Variants in RIPOR2 observed in about 807,000 individuals in gnomAD.
The protein encoded by RIPOR2 is RHO family interacting cell polarization regulator 2.
A neutral mutation model predicts 114.5 loss-of-function variants in RIPOR2; 39 were observed. The observed-to-expected ratio is 0.34, with a 90% CI of 0.26 to 0.44. The LOEUF (loss-of-function observed/expected upper bound fraction) is 0.44. Ranked by LOEUF, RIPOR2 falls within the 20% of genes least tolerant of loss-of-function variation. The pLI, the probability that RIPOR2 is intolerant of heterozygous loss-of-function variation, is 1.00. For missense variants in RIPOR2, 1,007 were observed against 1,255.1 expected (o/e 0.80, Z 2.99); for synonymous variants, 445 against 484.4 (o/e 0.92, Z 1.07).
chr6:24,925,810 G>T (rs998864103), intron 1 of RIPOR2, among the ~76,000 whole-genome samples: 23 of 152,062 alleles, frequency 1.5e-4, no homozygotes, highest in African/African-American at 5.6e-4. Context: ...TTTATGAGTG[G>T]CACTCAATAA....
Position 24,818,643 on chromosome 6 carries a change from AC to A in RIPOR2, c.2869-19del, listed in dbSNP as rs1759390611. On this transcript the variant is annotated intron_variant, in intron 19 of 21. Transcript: ENST00000643898. The stretch of plus-strand genomic sequence containing the variant: ...AGCAAGGCCTGAAAGAGAAGGAGGG[AC>A]CTCATGAAGGCATTTTGGTTTGTTC... The A allele has an allele frequency of 6.6e-7, 1 of 1,518,448 alleles. No homozygotes were observed. Among genetic ancestry groups the A allele is most frequent in the South Asian group, 1.2e-5 (1 of 81,138 alleles). The allele number at this position is 1,518,448 out of a possible 1,614,324, so 94.1% of individuals were successfully genotyped here. A position where few individuals can be genotyped will look rare whatever the true frequency, so the allele number is the denominator to read the frequency against.
rs543824126 is a variant in RIPOR2 at position 24,829,744 on chromosome 6, T to G, written c.2506+765A>C. Among the ~76,000 whole-genome samples, 39 of 152,314 alleles carry G rather than the reference T, an allele frequency of 2.6e-4. 2 individuals carry two copies. The South Asian group carries it at 7.9e-3, about 31-fold the overall frequency. On this transcript the variant is annotated intron_variant, in intron 17 of 21. Transcript: ENST00000643898. ...TTTTGGCTCTTGTGAGTAAAGCTGG[T>G]AGGAACCTTCATATAAATGTCCTTT...
chr6:24,900,602 A>G (rs1045343554), intron 1 of RIPOR2, among the ~76,000 whole-genome samples: 10 of 152,028 alleles, frequency 6.6e-5, no homozygotes, highest in African/African-American at 2.2e-4. Context: ...TACAAAAAAT[A>G]CAAAAATTAG....
intron 2 of RIPOR2, 81 bp from the exon 3 acceptor site, chr6:24,873,880 T>C (rs1581675098): frequency 8.1e-7 from 1 of 1,231,622 alleles, no homozygotes; most frequent in East Asian, 2.3e-5. Context: ...TATTATTTAC[T>C]TGTTTGTTTT....
At chr6:25,004,206 C>A (rs1775446416) in intron 1 of RIPOR2, among the ~76,000 whole-genome samples, 1 of 152,106 alleles carries the variant, frequency 6.6e-6, no homozygotes, top group African/African-American at 2.4e-5. Context: ...GATACCCAAA[C>A]TCAGTGAAAG....
intron 1 of RIPOR2, among the ~76,000 whole-genome samples, chr6:24,891,891 C>T: frequency 6.6e-6 from 1 of 152,080 alleles, no homozygotes; most frequent in Non-Finnish European, 1.5e-5. Flanking sequence ...CAGGGTTTTG[C>T]TTTGTTGTCC....
chr6:24,901,863 T>C (rs1321160422), intron 1 of RIPOR2, among the ~76,000 whole-genome samples: 12 of 152,150 alleles, frequency 7.9e-5, no homozygotes, highest in Admixed American at 6.5e-4. Context: ...GTTTCCTAAT[T>C]TGTGAAATTA....
intron 1 of RIPOR2, among the ~76,000 whole-genome samples, chr6:24,971,677 T>C (rs1328979230): frequency 6.6e-6 from 1 of 152,214 alleles, no homozygotes; most frequent in Non-Finnish European, 1.5e-5. Flanking sequence ...GCTATGAACA[T>C]TTAGGGCTCT....
intron 20 of RIPOR2, among the ~76,000 whole-genome samples, chr6:24,811,425 C>CG (rs1463432968): frequency 1.3e-5 from 2 of 149,632 alleles, no homozygotes; most frequent in East Asian, 4.0e-4. Context: ...TTAGTAGAGA[C>CG]GGGGTTTCAT....
intron 21 of RIPOR2, among the ~76,000 whole-genome samples, 172 bp from the exon 22 acceptor site, chr6:24,806,645 A>T (rs956988427): frequency 2.0e-5 from 3 of 152,224 alleles, no homozygotes; most frequent in South Asian, 2.1e-4. Flanking sequence ...TTTTCCAGGT[A>T]ATGCTTAGAA....
At chr6:24,905,953 T>A (rs1379795134) in intron 1 of RIPOR2, among the ~76,000 whole-genome samples, 3 of 152,190 alleles carry the variant, frequency 2.0e-5, no homozygotes, top group African/African-American at 7.2e-5. Context: ...AAGGAAGAGA[T>A]CACTTCCAGG....
intron 1 of RIPOR2, among the ~76,000 whole-genome samples, chr6:24,896,751 A>C (rs1222329535): frequency 6.6e-6 from 1 of 152,086 alleles, no homozygotes; most frequent in African/African-American, 2.4e-5. Context: ...AAAAACACAA[A>C]AATTAGCTGG....
chr6:24,963,059 C>A, intron 1 of RIPOR2, among the ~76,000 whole-genome samples: 1 of 152,088 alleles, frequency 6.6e-6, no homozygotes, highest in East Asian at 1.9e-4. Flanking sequence ...TTTTTTGAGA[C>A]AGAGTTTCGC....
chr6:25,001,760 C>T (rs1318679729), intron 1 of RIPOR2, among the ~76,000 whole-genome samples: 10 of 139,232 alleles, frequency 7.2e-5, no homozygotes, highest in East Asian at 4.4e-4. Context: ...AGTGCAGTGG[C>T]GCGATCTTGG....
At chr6:24,997,249 C>A (rs1305006535) in intron 1 of RIPOR2, among the ~76,000 whole-genome samples, 2 of 152,002 alleles carry the variant, frequency 1.3e-5, no homozygotes, top group Admixed American at 1.3e-4. Flanking sequence ...GCCTGAGAAC[C>A]ACTAGTTTGA....
intron 1 of RIPOR2, among the ~76,000 whole-genome samples, chr6:24,930,506 C>A (rs1461998617): frequency 6.6e-6 from 1 of 152,208 alleles, no homozygotes. Context: ...GCTAAGACAG[C>A]CTGCATAGCT....
At chr6:24,896,718 C>G (rs944326914) in intron 1 of RIPOR2, among the ~76,000 whole-genome samples, 1 of 152,124 alleles carries the variant, frequency 6.6e-6, no homozygotes, top group Non-Finnish European at 1.5e-5. Flanking sequence ...TCCTGGCAAA[C>G]ATGGTGAAAC....
rs45619241 is a variant in RIPOR2, at chr6:24,830,748, C to T, written c.2345-78G>A. ...TTTATTTTTTTGAGACAGAGTCTTG[C>T]TTTGTTACCCAGGCTGGAGTGCAAT... is the stretch of plus-strand genomic sequence containing the variant. On this transcript the variant is annotated intron_variant, in intron 16 of 21. Transcript: ENST00000643898. 0.018 allele frequency: 24,989 copies of T among 1,417,866 alleles called. 595 individuals are homozygous for T. The highest frequency in any genetic ancestry group is 0.11 in the African/African-American group (7,462 of 69,484). 87.8% of individuals were successfully genotyped at this position (1,417,866 alleles called of 1,614,324 possible).
At chr6:24,911,099 G>C (rs1028962767) in intron 1 of RIPOR2, 1 of 443,938 alleles carries the variant, frequency 2.3e-6, no homozygotes, top group African/African-American at 2.1e-5. Context: ...GAGCTAGAGC[G>C]GCGGAGCGGG....
Sources: gnomAD v4.1 joint callset for allele counts (sites outside exome capture counted in the v4.1 genomes callset) on GRCh38, gnomAD v4.1.1 for gene constraint, MANE v1.5 for transcripts, NCBI Gene and HGNC (gene_info 2026-07-23, HGNC 2026-07-21) for gene names.